The following DAB1 variants were observed in gnomAD, a reference collection of about 807,000 sequenced individuals.
DAB1 encodes disabled homolog 1.
In DAB1, 15 loss-of-function variants were observed where a neutral mutation model predicts 64.6. That is an observed-to-expected ratio of 0.23 (90% confidence interval 0.16 to 0.36). DAB1 has a LOEUF of 0.36. Among genes scored for constraint, DAB1 ranks in the 10% least tolerant of loss-of-function variants. The probability of loss-of-function intolerance (pLI) is 1.00; values close to 1 mark genes in which losing one functional copy is unlikely to be tolerated. For missense variants in DAB1, 596 were observed against 706.7 expected (o/e 0.84, Z 1.78); for synonymous variants, 235 against 251.9 (o/e 0.93, Z 0.64).
At chr1:57,084,940 T>C (rs538300188) in intron 4 of DAB1, among the ~76,000 whole-genome samples, 1 of 152,258 alleles carries the variant, frequency 6.6e-6, no homozygotes, top group South Asian at 2.1e-4. Flanking sequence ...GGCCCCATGA[T>C]TTGTTAGGCT....
chr1:58,101,266 G>A (rs1271462924), intron 5 of DAB1, among the ~76,000 whole-genome samples: 1 of 152,140 alleles, frequency 6.6e-6, no homozygotes, highest in African/African-American at 2.4e-5. Flanking sequence ...GCAGTGAGCC[G>A]AGGTCATGCC....
At chr1:58,142,856 CCT>C (rs1327496371) in intron 5 of DAB1, among the ~76,000 whole-genome samples, 1 of 152,206 alleles carries the variant, frequency 6.6e-6, no homozygotes, top group East Asian at 1.9e-4. Flanking sequence ...CATCTTAATG[CCT>C]CTCAGTCTGA....
rs1685933074 is a variant in DAB1 at position 57,441,259 on chromosome 1, C to T, written n.626-150093G>A. Among the ~76,000 whole-genome samples the T allele has an allele frequency of 2.1e-5, 3 of 144,612 alleles. No homozygotes were observed. In the Admixed American group the frequency reaches 2.1e-4, roughly 10 times the overall value. 94.9% of individuals were successfully genotyped at this position (144,612 alleles called of 152,430 possible). A position where few individuals can be genotyped will look rare whatever the true frequency, so the allele number is the denominator to read the frequency against. On this transcript the variant is annotated intron_variant and non_coding_transcript_variant, in intron 7 of 20. Coordinates refer to the DAB1 transcript ENST00000485760. ...CAGGTACAATCTTTTCTTTTCTTTT[C>T]TTTTCTTTCTTTCTCTTTCTTTCTT... is the stretch of plus-strand genomic sequence containing the variant.
At chr1:57,033,272 A>G in intron 9 of DAB1, 1 of 1,105,800 alleles carries the variant, frequency 9.0e-7, no homozygotes. Flanking sequence ...ATAGGTACCT[A>G]CTAGAGCAGA....
intron 7 of DAB1, among the ~76,000 whole-genome samples, chr1:57,442,169 T>C (rs952510876): frequency 1.3e-5 from 2 of 152,222 alleles, no homozygotes; most frequent in Admixed American, 6.5e-5. Context: ...GGGATAATGA[T>C]AGTTGTAAAA....
chr1:57,055,196 G>T (rs946287701), intron 9 of DAB1, among the ~76,000 whole-genome samples: 1 of 152,194 alleles, frequency 6.6e-6, no homozygotes, highest in African/African-American at 2.4e-5. Context: ...GCTTCCAGCT[G>T]CCTTGACCAG....
chr1:57,326,738 GTC>G (rs767361120), intron 1 of DAB1, among the ~76,000 whole-genome samples: 6 of 152,110 alleles, frequency 3.9e-5, no homozygotes, highest in African/African-American at 1.4e-4. Flanking sequence ...GGGAGCTCCA[GTC>G]TCTCTTTCTT....
At chr1:57,536,584 C>T (rs569712833) in intron 7 of DAB1, among the ~76,000 whole-genome samples, 7 of 149,604 alleles carry the variant, frequency 4.7e-5, no homozygotes, top group South Asian at 2.1e-4. Flanking sequence ...ACCTAATACA[C>T]GTCCTAGAGG....
At chr1:57,570,035 C>T (rs1645175710) in intron 7 of DAB1, among the ~76,000 whole-genome samples, 1 of 152,068 alleles carries the variant, frequency 6.6e-6, no homozygotes, top group Non-Finnish European at 1.5e-5. Flanking sequence ...TGAGTGTCAA[C>T]TTGATTGGAT....
intron 5 of DAB1, among the ~76,000 whole-genome samples, chr1:58,025,541 TATA>T (rs1431475867): frequency 6.7e-6 from 1 of 148,792 alleles, no homozygotes; most frequent in African/African-American, 2.5e-5. Context: ...GAGCTATAAA[TATA>T]ATATTATATA....
At chr1:58,530,133 G>C (rs1265299599) in intron 1 of DAB1, among the ~76,000 whole-genome samples, 5 of 152,066 alleles carry the variant, frequency 3.3e-5, no homozygotes, top group African/African-American at 1.2e-4. Flanking sequence ...CACCCACCTT[G>C]GCCTCCCAAA....
intron 5 of DAB1, among the ~76,000 whole-genome samples, chr1:57,938,328 G>T (rs139677696): frequency 9.2e-5 from 14 of 152,214 alleles, no homozygotes; most frequent in African/African-American, 3.1e-4. Flanking sequence ...GATCACATTC[G>T]TCCCTATTAT....
At chr1:57,628,244 C>A (rs1645946579) in intron 7 of DAB1, among the ~76,000 whole-genome samples, 1 of 152,178 alleles carries the variant, frequency 6.6e-6, no homozygotes, top group Non-Finnish European at 1.5e-5. Flanking sequence ...AAAGTCAATG[C>A]ACTGACATGT....
chr1:57,590,105 C>T (rs2101568489), intron 7 of DAB1, among the ~76,000 whole-genome samples: 1 of 152,014 alleles, frequency 6.6e-6, no homozygotes, highest in Admixed American at 6.5e-5. Context: ...GCTAGAAGTC[C>T]AAGATCAAGC....
At chr1:57,890,867 T>G (rs1004773758) in intron 5 of DAB1, among the ~76,000 whole-genome samples, 9 of 152,234 alleles carry the variant, frequency 5.9e-5, no homozygotes, top group African/African-American at 2.2e-4. Flanking sequence ...ATTCAGTTAA[T>G]GAGTATTTCT....
chr1:58,204,156 T>C (rs1392167426), intron 4 of DAB1, among the ~76,000 whole-genome samples: 1 of 152,106 alleles, frequency 6.6e-6, no homozygotes, highest in Non-Finnish European at 1.5e-5. Flanking sequence ...CAACCTAGGA[T>C]ACAGAGAAAA....
At chr1:58,302,961 AT>A (rs1662208546) in intron 4 of DAB1, among the ~76,000 whole-genome samples, 1 of 152,016 alleles carries the variant, frequency 6.6e-6, no homozygotes, top group African/African-American at 2.4e-5. Context: ...TTGCATCCAG[AT>A]CTGTTCCCCA....
chr1:57,671,030 G>T (rs1035526224), intron 6 of DAB1, among the ~76,000 whole-genome samples: 3 of 152,080 alleles, frequency 2.0e-5, no homozygotes, highest in Admixed American at 6.6e-5. Flanking sequence ...CATTCACATG[G>T]ATTCAACATA....
intron 1 of DAB1, among the ~76,000 whole-genome samples, chr1:57,391,127 T>C (rs1446839514): frequency 2.6e-5 from 4 of 152,200 alleles, no homozygotes; most frequent in Non-Finnish European, 5.9e-5. Context: ...CATTCTAGCA[T>C]AGCACAGTGC....
Sources: gnomAD v4.1 joint callset for allele counts (sites outside exome capture counted in the v4.1 genomes callset) on GRCh38, gnomAD v4.1.1 for gene constraint, MANE v1.5 for transcripts, NCBI Gene and HGNC (gene_info 2026-07-23, HGNC 2026-07-21) for gene names.